The following IL1RAPL1 variants were observed in gnomAD, a reference collection of about 807,000 sequenced individuals.
IL1RAPL1 encodes interleukin 1 receptor accessory protein like 1, also known as interleukin-1 receptor accessory protein-like 1.
A neutral mutation model predicts 48.4 loss-of-function variants in IL1RAPL1; 3 were observed. That is an observed-to-expected ratio of 0.06 (90% CI 0.03 to 0.16). IL1RAPL1 has a LOEUF of 0.16. IL1RAPL1 is among the 10% of genes least tolerant of loss of function. The pLI is 1.00. For missense variants in IL1RAPL1, 349 were observed against 530.6 expected (o/e 0.66, Z 3.36); for synonymous variants, 185 against 187.7 (o/e 0.99, Z 0.12).
At chrX:29,905,919 G>A (rs1050702491) in intron 6 of IL1RAPL1, among the ~76,000 whole-genome samples, 1 of 111,294 alleles carries the variant, frequency 9.0e-6, no homozygotes, top group Non-Finnish European at 1.9e-5. Flanking sequence ...ACAGATTAAA[G>A]AAATGTTGAG....
At chrX:28,859,021 T>C (rs976500761) in intron 2 of IL1RAPL1, among the ~76,000 whole-genome samples, 2 of 112,319 alleles carry the variant, frequency 1.8e-5, no homozygotes, top group African/African-American at 3.2e-5. Context: ...TCTTAAAATA[T>C]TGAATGATTT....
At chrX:29,741,935 GAAAA>G (rs1182352727) in intron 6 of IL1RAPL1, among the ~76,000 whole-genome samples, 1 of 61,833 alleles carries the variant, frequency 1.6e-5, no homozygotes, top group South Asian at 9.3e-4. Flanking sequence ...AAAAAAAAAA[GAAAA>G]AAAAAAAAAA....
intron 2 of IL1RAPL1, among the ~76,000 whole-genome samples, chrX:28,959,292 T>G (rs1365259587): frequency 8.9e-6 from 1 of 111,879 alleles, no homozygotes; most frequent in Admixed American, 9.5e-5. Context: ...CCTTACATAT[T>G]TTAACACTCT....
intron 5 of IL1RAPL1, among the ~76,000 whole-genome samples, chrX:29,619,581 C>G (rs955735453): frequency 4.5e-5 from 5 of 111,612 alleles, no homozygotes; most frequent in African/African-American, 1.6e-4. Context: ...TGAATACATT[C>G]TGTTACTACA....
intron 5 of IL1RAPL1, among the ~76,000 whole-genome samples, chrX:29,539,273 A>G (rs1349748080): frequency 8.9e-6 from 1 of 111,931 alleles, no homozygotes; most frequent in Non-Finnish European, 1.9e-5. Context: ...AAATCAATAA[A>G]TGTGACTCAC....
intron 2 of IL1RAPL1, among the ~76,000 whole-genome samples, chrX:29,160,173 C>T (rs5985965): frequency 9.0e-6 from 1 of 111,101 alleles, no homozygotes; most frequent in Non-Finnish European, 1.9e-5. Flanking sequence ...TCTTTAGATG[C>T]AGTAGTTTTA....
At chrX:29,903,206 CAAAG>C (rs1932533142) in intron 6 of IL1RAPL1, among the ~76,000 whole-genome samples, 1 of 94,707 alleles carries the variant, frequency 1.1e-5, no homozygotes, top group African/African-American at 3.7e-5. Flanking sequence ...GAGAGAGAGA[CAAAG>C]AAATTCTTCT....
rs768609266 is a variant in IL1RAPL1, at chrX:29,206,630, C to T, written c.83-76308C>T. Among the ~76,000 whole-genome samples the T allele has an allele frequency of 5.4e-5, 6 of 111,417 alleles. No individual in the cohort carries two copies. In the East Asian group the frequency reaches 8.4e-4, roughly 16 times the overall value. On this transcript the variant is annotated intron_variant, in intron 2 of 10. Coordinates refer to ENST00000378993, the MANE Select transcript of IL1RAPL1 (RefSeq NM_014271.4). ...TTCCTATAAGTAAAATAAAATTAGACGGATGTTTACATGGATTATCTCATT... is the reference window on the plus strand; with the variant it reads ...TTCCTATAAGTAAAATAAAATTAGATGGATGTTTACATGGATTATCTCATT...
At chrX:29,653,679 A>C (rs951638750) in intron 5 of IL1RAPL1, among the ~76,000 whole-genome samples, 1 of 110,525 alleles carries the variant, frequency 9.0e-6, no homozygotes, top group Admixed American at 9.7e-5. Context: ...TCACCATAGG[A>C]CCTCTTTAGT....
chrX:29,313,291 G>A (rs987665915), intron 3 of IL1RAPL1, among the ~76,000 whole-genome samples: 30 of 53,842 alleles, frequency 5.6e-4, no homozygotes, highest in African/African-American at 1.5e-3. Flanking sequence ...GTGTGTGCGC[G>A]CGCACATGCA....
chrX:29,198,694 T>C (rs1930493202), intron 2 of IL1RAPL1, among the ~76,000 whole-genome samples: 1 of 111,528 alleles, frequency 9.0e-6, no homozygotes, highest in Non-Finnish European at 1.9e-5. Flanking sequence ...TTAATATAAA[T>C]ATATTCCCTG....
chrX:28,630,190 G>A (rs928321529), intron 1 of IL1RAPL1, among the ~76,000 whole-genome samples: 4 of 109,718 alleles, frequency 3.6e-5, no homozygotes, highest in African/African-American at 6.7e-5. Context: ...CTTTTTTTTT[G>A]TTTGTTTCAT....
At chrX:29,209,327 T>C (rs1345864912) in intron 2 of IL1RAPL1, among the ~76,000 whole-genome samples, 1 of 112,295 alleles carries the variant, frequency 8.9e-6, no homozygotes, top group Non-Finnish European at 1.9e-5. Flanking sequence ...AAAGTATGAA[T>C]TGCTTTCTGT....
chrX:29,477,137 C>T (rs900446455), intron 5 of IL1RAPL1, among the ~76,000 whole-genome samples: 5 of 110,577 alleles, frequency 4.5e-5, no homozygotes, highest in African/African-American at 1.7e-4. Context: ...AATATGGGCT[C>T]TCTACATGGT....
intron 2 of IL1RAPL1, among the ~76,000 whole-genome samples, chrX:28,820,395 G>A (rs1569180111): frequency 1.8e-5 from 2 of 110,588 alleles, no homozygotes; most frequent in African/African-American, 6.6e-5. Context: ...CATCTAATTG[G>A]TTGCAGAGCC....
At chrX:28,973,883 AC>A (rs1278113794) in intron 2 of IL1RAPL1, among the ~76,000 whole-genome samples, 1 of 111,963 alleles carries the variant, frequency 8.9e-6, no homozygotes, top group East Asian at 2.8e-4. Flanking sequence ...GCTAAGATAA[AC>A]CACGTACTTT....
intron 6 of IL1RAPL1, among the ~76,000 whole-genome samples, chrX:29,827,177 A>G (rs1930756658): frequency 8.9e-6 from 1 of 112,152 alleles, no homozygotes; most frequent in East Asian, 2.8e-4. Flanking sequence ...GGAGATGCTG[A>G]TGCTACTTGT....
intron 2 of IL1RAPL1, among the ~76,000 whole-genome samples, chrX:29,062,001 A>G (rs1343960670): frequency 8.9e-6 from 1 of 112,527 alleles, no homozygotes; most frequent in Admixed American, 9.4e-5. Context: ...GCTATTTAAT[A>G]TCAGGAATTC....
At chrX:29,602,744 A>G (rs899565540) in intron 5 of IL1RAPL1, among the ~76,000 whole-genome samples, 1 of 112,893 alleles carries the variant, frequency 8.9e-6, no homozygotes, top group Non-Finnish European at 1.9e-5. Flanking sequence ...GAAATTCACA[A>G]AGATTTCTTT....
Sources: allele counts gnomAD v4.1 joint callset (sites outside exome capture counted in the v4.1 genomes callset), GRCh38; gene constraint gnomAD v4.1.1; transcripts MANE v1.5; gene names NCBI Gene and HGNC (gene_info 2026-07-23, HGNC 2026-07-21).